The following GALNTL6 variants were observed in gnomAD, a reference collection of about 807,000 sequenced individuals.
The protein encoded by GALNTL6 is polypeptide N-acetylgalactosaminyltransferase like 6.
GALNTL6 carries 46 observed loss-of-function variants against 73.7 expected under a neutral mutation model. The observed-to-expected ratio is 0.62, with a 90% CI of 0.49 to 0.80. The LOEUF is 0.80. Among genes scored for constraint, GALNTL6 ranks in the 30% least tolerant of loss-of-function variants. The pLI, the probability that GALNTL6 is intolerant of heterozygous loss-of-function variation, is 0.00. For synonymous variants in GALNTL6, 259 were observed against 263.7 expected, an observed-to-expected ratio of 0.98 and a Z score of 0.17; for missense variants, 604 against 755.0, an observed-to-expected ratio of 0.80 and a Z score of 2.34.
intron 2 of GALNTL6, among the ~76,000 whole-genome samples, chr4:171,892,602 T>A (rs563958742): frequency 6.6e-6 from 1 of 152,164 alleles, no homozygotes; most frequent in Admixed American, 6.5e-5. Context: ...CTCTGTGTTA[T>A]CTAGGCTGAA....
intron 3 of GALNTL6, among the ~76,000 whole-genome samples, chr4:172,263,994 T>C (rs1738345785): frequency 1.3e-5 from 2 of 151,664 alleles, no homozygotes; most frequent in Admixed American, 1.3e-4. Flanking sequence ...TAGCTTTGTT[T>C]CTATAGAGAT....
intron 5 of GALNTL6, among the ~76,000 whole-genome samples, chr4:172,631,202 C>T (rs1579262815): frequency 6.6e-6 from 1 of 152,014 alleles, no homozygotes; most frequent in East Asian, 1.9e-4. Flanking sequence ...AGTGCAGTGG[C>T]ATGATCTCGG....
chr4:172,449,283 C>T (rs943781342), intron 5 of GALNTL6, among the ~76,000 whole-genome samples: 6 of 152,096 alleles, frequency 3.9e-5, no homozygotes, highest in African/African-American at 7.2e-5. Flanking sequence ...TGTCTTAGAC[C>T]ATCTAATTAA....
chr4:172,164,533 T>C (rs972071462), intron 2 of GALNTL6, among the ~76,000 whole-genome samples: 4 of 152,062 alleles, frequency 2.6e-5, no homozygotes, highest in Admixed American at 2.0e-4. Flanking sequence ...TCAAGTTTAC[T>C]ACTTTTCAAG....
At chr4:172,505,296 A>G (rs1734375168) in intron 5 of GALNTL6, among the ~76,000 whole-genome samples, 1 of 55,392 alleles carries the variant, frequency 1.8e-5, no homozygotes, top group African/African-American at 4.5e-5. Context: ...TTGCTTTACA[A>G]GGAGGAATGA....
At chr4:172,949,799 C>T (rs1271227036) in intron 9 of GALNTL6, among the ~76,000 whole-genome samples, 3 of 151,312 alleles carry the variant, frequency 2.0e-5, no homozygotes, top group Non-Finnish European at 4.4e-5. Context: ...GTCCCAGCTA[C>T]GTGGGAGGCT....
chr4:172,352,901 A>T (rs1357526274), intron 5 of GALNTL6, among the ~76,000 whole-genome samples: 1 of 152,016 alleles, frequency 6.6e-6, no homozygotes, highest in Non-Finnish European at 1.5e-5. Flanking sequence ...TTTAGAAGGA[A>T]AAACAGACTT....
At chr4:172,187,989 C>G (rs1472307267) in intron 2 of GALNTL6, among the ~76,000 whole-genome samples, 2 of 152,012 alleles carry the variant, frequency 1.3e-5, no homozygotes, top group Non-Finnish European at 2.9e-5. Flanking sequence ...TCCTCATATA[C>G]AAAGTCATTA....
At chr4:173,012,525 C>G (rs1248781375) in intron 11 of GALNTL6, among the ~76,000 whole-genome samples, 1 of 152,228 alleles carries the variant, frequency 6.6e-6, no homozygotes, top group East Asian at 1.9e-4. Flanking sequence ...TCTAGGAGGA[C>G]TGTGGGCCTT....
At chr4:172,329,772 G>C (rs543620479) in intron 4 of GALNTL6, among the ~76,000 whole-genome samples, 1 of 152,258 alleles carries the variant, frequency 6.6e-6, no homozygotes, top group East Asian at 1.9e-4. Context: ...CAACCCATCT[G>C]TCCCCCTGGG....
chr4:172,114,946 A>G (rs1340445392), intron 2 of GALNTL6, among the ~76,000 whole-genome samples: 2 of 151,986 alleles, frequency 1.3e-5, no homozygotes, highest in African/African-American at 4.8e-5. Flanking sequence ...ACTCCCAAAC[A>G]TCCCCTCCCT....
chr4:172,233,557 C>G (rs531160465), intron 3 of GALNTL6, among the ~76,000 whole-genome samples: 1 of 152,192 alleles, frequency 6.6e-6, no homozygotes, highest in Non-Finnish European at 1.5e-5. Context: ...ACTATTGACT[C>G]TATTATAAAT....
intron 5 of GALNTL6, among the ~76,000 whole-genome samples, chr4:172,612,593 C>T (rs1738567140): frequency 6.6e-6 from 1 of 152,012 alleles, no homozygotes; most frequent in South Asian, 2.1e-4. Flanking sequence ...TGGGTGTTCT[C>T]ATTTTTTCAG....
At chr4:172,020,661 A>G (rs1261872139) in intron 2 of GALNTL6, among the ~76,000 whole-genome samples, 1 of 151,972 alleles carries the variant, frequency 6.6e-6, no homozygotes, top group African/African-American at 2.4e-5. Flanking sequence ...GATCAAAGCC[A>G]TAATAAGAAG....
At chr4:172,622,885 T>C (rs995437242) in intron 5 of GALNTL6, among the ~76,000 whole-genome samples, 30 of 152,224 alleles carry the variant, frequency 2.0e-4, no homozygotes, top group Middle Eastern at 6.8e-3. Flanking sequence ...GGTTGAACAG[T>C]AAAATGTATC....
intron 5 of GALNTL6, among the ~76,000 whole-genome samples, chr4:172,503,021 A>G (rs1000466064): frequency 5.9e-5 from 9 of 152,166 alleles, no homozygotes; most frequent in Non-Finnish European, 1.3e-4. Flanking sequence ...ACCTACATAA[A>G]TGGAACCAAG....
chr4:172,932,790 T>A (rs1290817208), intron 9 of GALNTL6, among the ~76,000 whole-genome samples: 1 of 152,254 alleles, frequency 6.6e-6, no homozygotes, highest in African/African-American at 2.4e-5. Context: ...TTTGCGTTAG[T>A]ACTTATGTGT....
At chr4:172,588,055 G>T (rs1737488157) in intron 5 of GALNTL6, among the ~76,000 whole-genome samples, 1 of 152,028 alleles carries the variant, frequency 6.6e-6, no homozygotes. Context: ...CTGAAGATAT[G>T]GTTGATATTA....
chr4:172,917,638 A>T (rs963213878), intron 8 of GALNTL6, among the ~76,000 whole-genome samples: 3 of 152,232 alleles, frequency 2.0e-5, no homozygotes, highest in African/African-American at 7.2e-5. Flanking sequence ...GCCAACAGAC[A>T]CATGAAAAAA....
Sources: allele counts gnomAD v4.1 joint callset (sites outside exome capture counted in the v4.1 genomes callset), GRCh38; gene constraint gnomAD v4.1.1; transcripts MANE v1.5; gene names NCBI Gene and HGNC (gene_info 2026-07-23, HGNC 2026-07-21).